CDC42BPA: variants seen among roughly 807,000 people sequenced by gnomAD.
The protein encoded by CDC42BPA is CDC42 binding protein kinase alpha.
In CDC42BPA, 80 loss-of-function variants were observed where a neutral mutation model predicts 223.5. The observed-to-expected ratio is 0.36, with a 90% CI of 0.30 to 0.43. The LOEUF (loss-of-function observed/expected upper bound fraction) is 0.43. CDC42BPA is among the 20% of genes least tolerant of loss of function. The pLI is 1.00. For synonymous variants in CDC42BPA, 694 were observed against 718.6 expected (o/e 0.97, Z 0.55); for missense variants, 1,743 against 2,099.9 (o/e 0.83, Z 3.32).
intron 2 of CDC42BPA, among the ~76,000 whole-genome samples, chr1:227,253,701 AG>A (rs949142477): frequency 1.3e-5 from 2 of 152,112 alleles, no homozygotes; most frequent in Admixed American, 1.3e-4. Context: ...GAGATGGGAG[AG>A]GGGGAGAAAA....
At chr1:227,264,632 A>AT (rs1684671067) in intron 1 of CDC42BPA, 1 of 517,062 alleles carries the variant, frequency 1.9e-6, no homozygotes, top group African/African-American at 1.9e-5. Context: ...AAGAGTATAC[A>AT]TTAATTAATG....
intron 10 of CDC42BPA, among the ~76,000 whole-genome samples, chr1:227,132,769 G>A (rs1657468662): frequency 6.7e-6 from 1 of 149,144 alleles, no homozygotes; most frequent in Admixed American, 6.7e-5. Flanking sequence ...TGTGGAGAGC[G>A]CCTCTGCCCC....
intron 6 of CDC42BPA, 138 bp from the exon 7 acceptor site, chr1:227,147,697 A>G (rs182453113): frequency 2.0e-4 from 106 of 521,510 alleles, no homozygotes; most frequent in African/African-American, 1.8e-3. Context: ...TAATCCTTGT[A>G]TATATGTTAA....
intron 5 of CDC42BPA, among the ~76,000 whole-genome samples, chr1:227,176,074 C>G (rs1666913282): frequency 6.6e-6 from 1 of 152,072 alleles, no homozygotes; most frequent in Admixed American, 6.5e-5. Context: ...AGCCTCAGCT[C>G]CTTGAGTAGC....
At chr1:227,198,479 A>G (rs1223302652) in intron 4 of CDC42BPA, among the ~76,000 whole-genome samples, 2 of 17,888 alleles carry the variant, frequency 1.1e-4, no homozygotes, top group African/African-American at 1.9e-4. Flanking sequence ...AGAAAGAAAA[A>G]AAATGTTGCT....
At chr1:227,140,007 T>C (rs947119749) in intron 9 of CDC42BPA, among the ~76,000 whole-genome samples, 11 of 152,156 alleles carry the variant, frequency 7.2e-5, no homozygotes, top group African/African-American at 2.7e-4. Flanking sequence ...ATTATGATTT[T>C]AAAAACCCCA....
intron 12 of CDC42BPA, 23 bp from the exon 13 acceptor site, chr1:227,112,936 T>A (rs202041880): frequency 6.2e-7 from 1 of 1,607,714 alleles, no homozygotes; most frequent in African/African-American, 1.3e-5. Flanking sequence ...AAAAAGAATA[T>A]AAGTTACCAA....
rs1660884666 is a variant in CDC42BPA, at chr1:227,147,351, A to G, written c.894+8T>C. ...ACATTAATTTGAACAAAAGTAAAAC[A>G]TACTAACTTTGTGGTTCATGATTTT... On this transcript the variant is annotated splice_region_variant and intron_variant, in intron 7 of 36. Transcript: ENST00000366766. 3 of 1,599,144 alleles carry G rather than the reference A, an allele frequency of 1.9e-6. No homozygotes were observed. Among genetic ancestry groups the G allele is most frequent in the African/African-American group, 2.7e-5 (2 of 74,582 alleles).
intron 15 of CDC42BPA, among the ~76,000 whole-genome samples, chr1:227,100,248 C>A (rs562151489): frequency 6.6e-6 from 1 of 152,302 alleles, no homozygotes; most frequent in Non-Finnish European, 1.5e-5. Context: ...CACACCTCAT[C>A]TCTCGCAGCT....
intron 35 of CDC42BPA, among the ~76,000 whole-genome samples, chr1:227,003,871 CTG>C (rs1270630080): frequency 6.6e-6 from 1 of 152,096 alleles, no homozygotes; most frequent in African/African-American, 2.4e-5. Flanking sequence ...CTAATAAAGA[CTG>C]TGAGACACCT....
intron 1 of CDC42BPA, among the ~76,000 whole-genome samples, chr1:227,284,738 A>C (rs779645412): frequency 1.3e-5 from 2 of 152,096 alleles, no homozygotes; most frequent in Non-Finnish European, 2.9e-5. Flanking sequence ...AGGTGGGTGG[A>C]TCACTTGAGC....
chr1:227,316,104 G>C (rs1458616794), intron 1 of CDC42BPA, among the ~76,000 whole-genome samples: 1 of 152,098 alleles, frequency 6.6e-6, no homozygotes, highest in African/African-American at 2.4e-5. Context: ...AATCATATTT[G>C]GCCAAAATCC....
chr1:227,284,949 T>G, intron 1 of CDC42BPA, among the ~76,000 whole-genome samples: 1 of 143,604 alleles, frequency 7.0e-6, no homozygotes, highest in Non-Finnish European at 1.5e-5. Flanking sequence ...GGTGACAGAG[T>G]GAGACCCCAT....
chr1:227,046,852 T>G (rs1672547144), intron 23 of CDC42BPA, among the ~76,000 whole-genome samples: 1 of 152,170 alleles, frequency 6.6e-6, no homozygotes, highest in Non-Finnish European at 1.5e-5. Flanking sequence ...TTAAAAATCT[T>G]TCACTTGTAC....
intron 35 of CDC42BPA, among the ~76,000 whole-genome samples, chr1:226,996,023 CA>C (rs1224493918): frequency 6.6e-6 from 1 of 152,240 alleles, no homozygotes; most frequent in Non-Finnish European, 1.5e-5. Context: ...CCAAAATACA[CA>C]AGCGTTCATA....
intron 1 of CDC42BPA, among the ~76,000 whole-genome samples, chr1:227,268,851 AATTT>A (rs1245604930): frequency 4.8e-5 from 7 of 146,760 alleles, no homozygotes; most frequent in Non-Finnish European, 7.5e-5. Context: ...ACGCCTGGCT[AATTT>A]TTGTATTTTT....
At chr1:227,039,857 T>C (rs535190214) in intron 24 of CDC42BPA, among the ~76,000 whole-genome samples, 3 of 78,298 alleles carry the variant, frequency 3.8e-5, no homozygotes, top group Non-Finnish European at 7.8e-5. Flanking sequence ...TAAAATTCAA[T>C]GAATTTTCTT....
intron 29 of CDC42BPA, among the ~76,000 whole-genome samples, chr1:227,030,059 G>A (rs757079490): frequency 5.3e-5 from 8 of 151,926 alleles, no homozygotes; most frequent in Non-Finnish European, 1.0e-4. Context: ...CTTGAACCCA[G>A]GAGGCGGAGG....
intron 21 of CDC42BPA, among the ~76,000 whole-genome samples, chr1:227,061,597 T>C (rs1484032901): frequency 6.6e-6 from 1 of 152,230 alleles, no homozygotes; most frequent in Non-Finnish European, 1.5e-5. Context: ...TCTGCTTTGA[T>C]CTGATACTCA....
Sources: gnomAD v4.1 joint callset for allele counts (sites outside exome capture counted in the v4.1 genomes callset) on GRCh38, gnomAD v4.1.1 for gene constraint, MANE v1.5 for transcripts, NCBI Gene and HGNC (gene_info 2026-07-23, HGNC 2026-07-21) for gene names.